Variants in FBXW2 observed in about 807,000 individuals in gnomAD.
FBXW2 encodes the protein F-box/WD repeat-containing protein 2.
A neutral mutation model predicts 46.0 loss-of-function variants in FBXW2; 12 were observed. The ratio of observed to expected loss-of-function variants is 0.26; its 90% CI spans 0.17 to 0.42. The LOEUF is 0.42. Among genes scored for constraint, FBXW2 ranks in the 10% least tolerant of loss-of-function variants. The pLI is 1.00. For synonymous variants in FBXW2, 203 were observed against 209.6 expected, an observed-to-expected ratio of 0.97 and a Z score of 0.27; for missense variants, 360 against 537.0, an observed-to-expected ratio of 0.67 and a Z score of 3.26.
intron 3 of FBXW2, among the ~76,000 whole-genome samples, chr9:120,783,411 C>A (rs1260868435): frequency 6.6e-6 from 1 of 151,854 alleles, no homozygotes; most frequent in Non-Finnish European, 1.5e-5. Flanking sequence ...TCACACTGCA[C>A]GAAAGAAAAA....
Position 120,764,526 on chromosome 9 carries a change from C to T in FBXW2, c.*33G>A. ...GCACCCAAAACCCGCAGCCCCGGCA[C>T]CCAAAGTCAGTCAGCGGTGGTGGCT... On this transcript the variant is annotated 3_prime_UTR_variant, in exon 8 of 8. Transcript: ENST00000608872. 6.3e-7 allele frequency: 1 copy of T among 1,593,652 alleles called. No homozygotes were observed. Among genetic ancestry groups the T allele is most frequent in the Non-Finnish European group, 8.6e-7 (1 of 1,165,082 alleles).
Position 120,761,811 on chromosome 9 carries a change from G to GA in FBXW2, c.*2747dup, listed in dbSNP as rs999050775. 4.2e-4 allele frequency: 61 copies of GA among 144,372 alleles called. No individual in the cohort carries two copies. The highest frequency in any genetic ancestry group is 3.6e-3 in the Middle Eastern group (1 of 278). The allele number at this position is 144,372 out of a possible 1,614,324, so 8.9% of individuals were successfully genotyped here. On this transcript the variant is annotated 3_prime_UTR_variant, in exon 8 of 8. Coordinates refer to ENST00000608872, the MANE Select transcript of FBXW2 (RefSeq NM_012164.4). ...TGTATGACAGAGCAAGACTGCCTAG[G>GA]AAAAAAAAAAAATTCCAGCGGCACC...
At position 120,776,652 on chromosome 9, in the gene FBXW2, A is replaced by G. The variant is rs114047354; in HGVS notation, c.686-426T>C. 2.8e-3 allele frequency: 431 copies of G among 155,044 alleles called. 5 individuals carry two copies. Among genetic ancestry groups the G allele is most frequent in the African/African-American group, 9.4e-3 (392 of 41,608 alleles). 9.6% of individuals were successfully genotyped at this position (155,044 alleles called of 1,614,324 possible). On this transcript the variant is annotated intron_variant, in intron 4 of 7. Coordinates refer to ENST00000608872, the MANE Select transcript of FBXW2 (RefSeq NM_012164.4). Reference sequence around the variant, plus strand: ...CTGCAAAACAGCACCCAGACTCAAGAAAACCCAATGTAAAGAGAGAAAAAA... The same window carrying G: ...CTGCAAAACAGCACCCAGACTCAAGGAAACCCAATGTAAAGAGAGAAAAAA...
chr9:120,789,924 G>C (rs149649367), intron 2 of FBXW2, among the ~76,000 whole-genome samples: 154 of 152,222 alleles, frequency 1.0e-3, no homozygotes, highest in African/African-American at 3.6e-3. Flanking sequence ...CCAAAGTTTG[G>C]GCTAGAGAAG....
At chr9:120,770,690 G>C (rs1287789562) in intron 7 of FBXW2, among the ~76,000 whole-genome samples, 12 of 152,288 alleles carry the variant, frequency 7.9e-5, no homozygotes, top group Non-Finnish European at 1.6e-4. Context: ...CAGCCCATTA[G>C]AGATGGCACC....
rs1184094603 is a variant in FBXW2 at position 120,759,313 on chromosome 9, T to C, written c.*5246A>G. On this transcript the variant is annotated 3_prime_UTR_variant, in exon 8 of 8. Transcript: ENST00000608872. ...TTAATGTACAGATATAAATGATTTATAGTTAACACAATCACTCACGGGTAA... is the reference window on the plus strand; with the variant it reads ...TTAATGTACAGATATAAATGATTTACAGTTAACACAATCACTCACGGGTAA... The C allele has an allele frequency of 6.6e-6, 1 of 152,254 alleles. No individual in the cohort carries two copies. The highest frequency in any genetic ancestry group is 6.5e-5 in the Admixed American group (1 of 15,290). 9.4% of individuals were successfully genotyped at this position (152,254 alleles called of 1,614,324 possible). A position where few individuals can be genotyped will look rare whatever the true frequency, so the allele number is the denominator to read the frequency against.
intron 3 of FBXW2, among the ~76,000 whole-genome samples, chr9:120,783,792 CCTTT>C (rs1404118932): frequency 1.3e-5 from 2 of 152,176 alleles, no homozygotes; most frequent in Non-Finnish European, 2.9e-5. Flanking sequence ...ATAATAGATT[CCTTT>C]CTTACCATTT....
Position 120,788,078 on chromosome 9 carries a change from G to C in FBXW2, c.181C>G (p.Pro61Ala). The C allele has an allele frequency of 6.2e-7, 1 of 1,614,174 alleles. No individual in the cohort carries two copies. The highest frequency in any genetic ancestry group is 8.5e-7 in the Non-Finnish European group (1 of 1,180,026). ...LLKRDFLKLL[P>A]LELSFYLLKW... ...AACAAATAAAAACTGAGCTCCAGGG[G>C]AAGGAGTTTGAGGAAGTCCCGCTTG... Residue 61 changes from proline (P) to alanine (A), a missense_variant, in exon 3 of 8, where the codon CCC becomes GCC. Coordinates refer to ENST00000608872, the MANE Select transcript of FBXW2 (RefSeq NM_012164.4).
At chr9:120,791,914 A>G (rs980199075) in intron 2 of FBXW2, among the ~76,000 whole-genome samples, 1 of 152,158 alleles carries the variant, frequency 6.6e-6, no homozygotes, top group Non-Finnish European at 1.5e-5. Context: ...TGCAACAAAA[A>G]GACTCCTAAA....
chr9:120,771,700 T>C (rs2044378347), intron 6 of FBXW2, among the ~76,000 whole-genome samples, 183 bp from the exon 7 acceptor site: 1 of 152,208 alleles, frequency 6.6e-6, no homozygotes, highest in Non-Finnish European at 1.5e-5. Flanking sequence ...GGGTAAATTA[T>C]TTAATCTCTC....
At chr9:120,767,356 TAG>T (rs1221637138) in intron 7 of FBXW2, among the ~76,000 whole-genome samples, 3 of 152,004 alleles carry the variant, frequency 2.0e-5, no homozygotes, top group Non-Finnish European at 4.4e-5. Context: ...CTAAAAGAGG[TAG>T]ACATTTAGAT....
chr9:120,776,261 C>CGGTGTTAATCTTGTGCACA, intron 4 of FBXW2, 35 bp from the exon 5 acceptor site: 1 of 1,605,072 alleles, frequency 6.2e-7, no homozygotes, highest in Non-Finnish European at 8.5e-7. Flanking sequence ...TAAAACATGT[C>CGGTGTTAATCTTGTGCACA]TCTGTCAGTG....
rs759326920 is a variant in FBXW2 at position 120,787,795 on chromosome 9, T to C, written c.464A>G (p.Tyr155Cys). The C allele has an allele frequency of 6.2e-7, 1 of 1,613,810 alleles. No homozygotes were observed. Among genetic ancestry groups the C allele is most frequent in the South Asian group, 1.1e-5 (1 of 91,026 alleles). The change falls in exon 3 of 8, where the codon TAC (tyrosine) becomes TGC (cysteine). Residue 155 changes from tyrosine (Y) to cysteine (C), a missense_variant. By Grantham distance (194) the Tyr-to-Cys change is radical (BLOSUM62 -2). Coordinates refer to ENST00000608872, the MANE Select transcript of FBXW2 (RefSeq NM_012164.4). ...TGTACAGAGAAGTCCATCTTTGTAG[T>C]AAAGTGCATACACTCTGGCACTGTG... is the stretch of plus-strand genomic sequence containing the variant. ...IGHSARVYALYYKDGLLCTGS... is the reference protein window; with the variant it reads ...IGHSARVYALCYKDGLLCTGS...
intron 5 of FBXW2, among the ~76,000 whole-genome samples, chr9:120,774,404 C>A (rs1344421316): frequency 6.6e-6 from 1 of 150,474 alleles, no homozygotes; most frequent in African/African-American, 2.4e-5. Context: ...GCTAGCTACT[C>A]GGGAGGCTGA....
intron 4 of FBXW2, 196 bp from the exon 5 acceptor site, chr9:120,776,422 G>T: frequency 1.7e-6 from 1 of 587,136 alleles, no homozygotes; most frequent in Non-Finnish European, 2.8e-6. Context: ...ATTCTAAGGT[G>T]GAAAGTCCTA....
chr9:120,787,781 G>C lies in FBXW2; in HGVS notation c.478C>G (p.Leu160Val). The change falls in exon 3 of 8, where the codon CTT (leucine) becomes GTT (valine). Residue 160 changes from leucine (L) to valine (V), a missense_variant. Leu to Val is a conservative substitution (Grantham distance 32, BLOSUM62 1). Transcript: ENST00000608872. ...RVYALYYKDG[L>V]LCTGSDDLSA... ...CAACATCTCTTACCTGTACAGAGAA[G>C]TCCATCTTTGTAGTAAAGTGCATAC... 1 of 1,613,280 alleles carries C rather than the reference G, an allele frequency of 6.2e-7. No homozygotes were observed. Among genetic ancestry groups the C allele is most frequent in the Non-Finnish European group, 8.5e-7 (1 of 1,179,682 alleles).
At chr9:120,775,504 A>T (rs1482221102) in intron 5 of FBXW2, among the ~76,000 whole-genome samples, 1 of 152,208 alleles carries the variant, frequency 6.6e-6, no homozygotes, top group African/African-American at 2.4e-5. Context: ...CTGTTTTCTC[A>T]GCCCCCTCAT....
Position 120,778,554 on chromosome 9 carries a change from GAAAAA to G in FBXW2, c.491-14_491-10del. 1 of 1,605,788 alleles carries G rather than the reference GAAAAA, an allele frequency of 6.2e-7. No homozygotes were observed. Among genetic ancestry groups the G allele is most frequent in the Non-Finnish European group, 8.5e-7 (1 of 1,175,570 alleles). ...AGACAAGTCATCTGACCCTTCAAGAGAAAAACAGGGAGGTTAATAAGAAAACAAAC... is the reference window on the plus strand; with the variant it reads ...AGACAAGTCATCTGACCCTTCAAGAGCAGGGAGGTTAATAAGAAAACAAAC... On this transcript the variant is annotated splice_polypyrimidine_tract_variant and intron_variant, in intron 3 of 7. Transcript: ENST00000608872.
chr9:120,790,401 G>C (rs934570543), intron 2 of FBXW2, among the ~76,000 whole-genome samples: 2 of 151,962 alleles, frequency 1.3e-5, no homozygotes, highest in African/African-American at 4.8e-5. Context: ...GGAGAATGGC[G>C]TGAACCCAGG....
Sources: gnomAD v4.1 joint callset for allele counts (sites outside exome capture counted in the v4.1 genomes callset) on GRCh38, gnomAD v4.1.1 for gene constraint, MANE v1.5 for transcripts, NCBI Gene and HGNC (gene_info 2026-07-23, HGNC 2026-07-21) for gene names.